The following AK6 variants were observed in gnomAD, a reference collection of about 807,000 sequenced individuals.
The protein encoded by AK6 is adenylate kinase 6, also known as adenylate kinase isoenzyme 6.
Under a neutral mutation model 23.7 loss-of-function variants are expected in AK6, and 24 were observed. The observed-to-expected ratio is 1.01, with a 90% CI of 0.73 to 1.43. The LOEUF (loss-of-function observed/expected upper bound fraction) is 1.43. Ranked by LOEUF, AK6 falls within the 40% of genes most tolerant of loss-of-function variation. AK6 has a pLI of 0.00. For synonymous variants in AK6, 73 were observed against 69.8 expected (o/e 1.05, Z -0.23); for missense variants, 191 against 199.1 (o/e 0.96, Z 0.24).
chr5:69,369,559 G>A, upstream of AK6: 2 of 1,608,796 alleles, frequency 1.2e-6, no homozygotes, highest in Non-Finnish European at 1.7e-6. Context: ...GAGCCGGAAG[G>A]GGCGGGCGGC....
intron 2 of AK6, among the ~76,000 whole-genome samples, chr5:69,357,636 T>G (rs1205654455): frequency 6.6e-6 from 1 of 152,006 alleles, no homozygotes; most frequent in Non-Finnish European, 1.5e-5. Flanking sequence ...TCACACAAGA[T>G]GGAAGAGTGG....
intron 2 of AK6, among the ~76,000 whole-genome samples, chr5:69,359,007 G>A (rs1297531836): frequency 2.0e-5 from 3 of 151,734 alleles, no homozygotes; most frequent in Admixed American, 1.3e-4. Flanking sequence ...TTCAGAGGCC[G>A]AGGTGGGAGG....
chr5:69,368,133 C>T (rs1388567069), intron 1 of AK6, among the ~76,000 whole-genome samples: 4 of 152,172 alleles, frequency 2.6e-5, no homozygotes, highest in Non-Finnish European at 5.9e-5. Context: ...CCCAAAGAAA[C>T]CCTATTTATG....
chr5:69,369,724 G>C, upstream of AK6: 1 of 1,549,346 alleles, frequency 6.5e-7, no homozygotes, highest in Non-Finnish European at 8.7e-7. Context: ...GGTACTTCGG[G>C]TCAGGCAGTG....
At chr5:69,356,499 A>C (rs1188124250) in intron 2 of AK6, among the ~76,000 whole-genome samples, 1 of 151,728 alleles carries the variant, frequency 6.6e-6, no homozygotes, top group Admixed American at 6.6e-5. Context: ...AAAAAAAAAA[A>C]AATTAGGCAG....
intron 1 of AK6, among the ~76,000 whole-genome samples, chr5:69,367,069 T>G (rs755816570): frequency 1.3e-5 from 2 of 152,016 alleles, no homozygotes; most frequent in Non-Finnish European, 2.9e-5. Context: ...ATATGTAAAT[T>G]AGCATGTACT....
chr5:69,369,167 G>A (rs774441494), intron 1 of AK6: 22 of 485,772 alleles, frequency 4.5e-5, no homozygotes, highest in Non-Finnish European at 7.5e-5. Flanking sequence ...CGAAATACCA[G>A]ATTCAGAAAG....
upstream of AK6, chr5:69,369,739 G>A (rs1449149640): frequency 2.0e-6 from 3 of 1,536,770 alleles, no homozygotes; most frequent in African/African-American, 2.7e-5. Context: ...GCAGTGCGCT[G>A]GATGCCTAAG....
At chr5:69,363,047 C>A (rs965371233) in intron 2 of AK6, among the ~76,000 whole-genome samples, 6 of 151,970 alleles carry the variant, frequency 3.9e-5, no homozygotes, top group African/African-American at 1.5e-4. Context: ...GGGAACAAAG[C>A]CAGACCCTGT....
chr5:69,361,605 A>ATT (rs111389621), intron 2 of AK6, among the ~76,000 whole-genome samples: 5 of 133,344 alleles, frequency 3.7e-5, no homozygotes, highest in Admixed American at 1.5e-4. Flanking sequence ...CGCCGGACTG[A>ATT]TTTTTTTTTT....
intron 2 of AK6, among the ~76,000 whole-genome samples, chr5:69,358,585 G>A (rs1461056231): frequency 2.7e-5 from 4 of 149,078 alleles, no homozygotes; most frequent in Non-Finnish European, 5.9e-5. Context: ...AAATAGATGT[G>A]TTAACTTTTA....
intron 2 of AK6, chr5:69,365,298 C>T (rs768534144): frequency 1.5e-5 from 24 of 1,613,990 alleles, no homozygotes; most frequent in Non-Finnish European, 1.9e-5. Context: ...AACACTTAAC[C>T]GCGGGACTGT....
At position 69,366,653 on chromosome 5, in the gene AK6, T is replaced by C. The variant is rs1327973853; in HGVS notation, c.29-58A>G. 5.7e-6 allele frequency: 7 copies of C among 1,225,312 alleles called. No individual in the cohort carries two copies. In the Admixed American group the frequency reaches 1.2e-4, roughly 21 times the overall value. The allele number at this position is 1,225,312 out of a possible 1,614,324, so 75.9% of individuals were successfully genotyped here. ...TGAAATACTACTTATCACACTGCGG[T>C]CCACCTTCTGCCTTTCCTTTTATTT... On this transcript the variant is annotated intron_variant, in intron 1 of 4. Transcript: ENST00000380822.
At chr5:69,361,398 G>A (rs971685492) in intron 2 of AK6, among the ~76,000 whole-genome samples, 2 of 152,080 alleles carry the variant, frequency 1.3e-5, no homozygotes, top group Non-Finnish European at 2.9e-5. Context: ...TGGGATTACA[G>A]GCGTGAGCCA....
At chr5:69,358,449 A>G (rs1455789074) in intron 2 of AK6, among the ~76,000 whole-genome samples, 2 of 134,216 alleles carry the variant, frequency 1.5e-5, no homozygotes, top group Non-Finnish European at 3.1e-5. Context: ...TGAACCCGGG[A>G]GGAGGCTGCA....
rs771375480 is a variant in AK6 at position 69,366,583 on chromosome 5, A to T, written c.41T>A (p.Val14Asp). 1 of 1,612,830 alleles carries T rather than the reference A, an allele frequency of 6.2e-7. No individual in the cohort carries two copies. Among genetic ancestry groups the T allele is most frequent in the Non-Finnish European group, 8.5e-7 (1 of 1,179,550 alleles). The change falls in exon 2 of 5, where the codon GTT becomes GAT. Residue 14 changes from valine to aspartate, a missense_variant. Val to Asp is a radical substitution (Grantham distance 152). Transcript: ENST00000380822. ...TTCTTTGCCTAGTGTGGTTTTTCCA[A>T]CCCCTGGTGTACCTGTAAGACAAGC... Reference protein sequence around the residue: ...PNILLTGTPGVGKTTLGKELA... With the variant: ...PNILLTGTPGDGKTTLGKELA...
chr5:69,362,014 G>A (rs1221365201), intron 2 of AK6, among the ~76,000 whole-genome samples: 1 of 130,298 alleles, frequency 7.7e-6, no homozygotes, highest in African/African-American at 2.9e-5. Context: ...GAGTGAAGAT[G>A]ACCTCTCTCA....
intron 2 of AK6, among the ~76,000 whole-genome samples, chr5:69,359,922 A>G (rs1017706504): frequency 1.3e-5 from 2 of 152,222 alleles, no homozygotes; most frequent in African/African-American, 4.8e-5. Flanking sequence ...TTAGACAGCC[A>G]AAGATATGAC....
At chr5:69,369,743 G>A, upstream of AK6, 2 of 1,532,084 alleles carry the variant, frequency 1.3e-6, no homozygotes, top group South Asian at 2.4e-5. Context: ...TGCGCTGGAT[G>A]CCTAAGTCAC....
Sources: allele counts gnomAD v4.1 joint callset (sites outside exome capture counted in the v4.1 genomes callset), GRCh38; gene constraint gnomAD v4.1.1; transcripts MANE v1.5; gene names NCBI Gene and HGNC (gene_info 2026-07-23, HGNC 2026-07-21).